DNM3: variants seen among roughly 807,000 people sequenced by gnomAD.
DNM3 encodes dynamin-3.
DNM3 carries 47 observed loss-of-function variants against 101.6 expected under a neutral mutation model. That is an observed-to-expected ratio of 0.46 (90% CI 0.37 to 0.59). DNM3 has a LOEUF of 0.59. Ranked by LOEUF, DNM3 falls within the 20% of genes least tolerant of loss-of-function variation. The pLI is 0.00. For synonymous variants in DNM3, 385 were observed against 387.9 expected (o/e 0.99, Z 0.09); for missense variants, 849 against 1,085.7 (o/e 0.78, Z 3.06).
At chr1:172,060,149 G>A (rs1436287479) in intron 10 of DNM3, among the ~76,000 whole-genome samples, 1 of 145,110 alleles carries the variant, frequency 6.9e-6, no homozygotes, top group African/African-American at 2.6e-5. Context: ...GGGATGTGAA[G>A]GACCTCTTCA....
intron 2 of DNM3, among the ~76,000 whole-genome samples, chr1:171,938,031 GTT>G (rs5778716): frequency 3.9e-4 from 57 of 147,116 alleles, no homozygotes; most frequent in Middle Eastern, 3.6e-3. Flanking sequence ...TTTTAATAGA[GTT>G]TTTTTTTTTT....
At chr1:171,859,472 T>G (rs1186364087) in intron 1 of DNM3, among the ~76,000 whole-genome samples, 1 of 152,200 alleles carries the variant, frequency 6.6e-6, no homozygotes, top group Non-Finnish European at 1.5e-5. Flanking sequence ...TAGCATATGG[T>G]AATTTCTGAA....
intron 14 of DNM3, among the ~76,000 whole-genome samples, chr1:172,244,807 G>C (rs1256462937): frequency 5.3e-5 from 8 of 152,164 alleles, no homozygotes; most frequent in Admixed American, 3.3e-4. Context: ...CGATTCCTCA[G>C]GGATCTAGAA....
At chr1:171,870,140 C>T (rs868304306) in intron 1 of DNM3, among the ~76,000 whole-genome samples, 1 of 152,186 alleles carries the variant, frequency 6.6e-6, no homozygotes, top group African/African-American at 2.4e-5. Flanking sequence ...TATTTAAATA[C>T]TAGCACGTTT....
chr1:172,249,455 G>A (rs1461100799), intron 14 of DNM3, among the ~76,000 whole-genome samples: 1 of 151,924 alleles, frequency 6.6e-6, no homozygotes, highest in Non-Finnish European at 1.5e-5. Flanking sequence ...GTGAATTCAG[G>A]GAAAGAACAC....
At chr1:172,302,591 T>G (rs755833580) in intron 15 of DNM3, among the ~76,000 whole-genome samples, 1 of 152,206 alleles carries the variant, frequency 6.6e-6, no homozygotes, top group Non-Finnish European at 1.5e-5. Flanking sequence ...GACCCCTGTG[T>G]AGCCTAACTG....
intron 14 of DNM3, among the ~76,000 whole-genome samples, chr1:172,158,024 G>C (rs544842496): frequency 6.6e-6 from 1 of 152,128 alleles, no homozygotes; most frequent in East Asian, 1.9e-4. Context: ...TGATAATAAA[G>C]TGCAAACAAT....
chr1:172,097,135 CT>C (rs1193352014), intron 13 of DNM3, among the ~76,000 whole-genome samples: 1 of 152,056 alleles, frequency 6.6e-6, no homozygotes, highest in Non-Finnish European at 1.5e-5. Context: ...GGCACGGTGA[CT>C]TATGCCTGTA....
chr1:172,327,951 C>T (rs780735023), intron 17 of DNM3, among the ~76,000 whole-genome samples: 7 of 152,074 alleles, frequency 4.6e-5, no homozygotes, highest in African/African-American at 7.2e-5. Flanking sequence ...TTTTGAATCC[C>T]CTCACTTTAA....
At position 171,989,025 on chromosome 1, in the gene DNM3, A is replaced by G. The variant is rs950979989; in HGVS notation, c.466A>G (p.Ile156Val). ...TCAGCCACCAGATATCGAGTATCAG[A>G]TCAGAGAAATGATTATGCAGTTCAT... ...GDQPPDIEYQ[I>V]REMIMQFITR... is the part of the protein sequence containing the mutation. Residue 156 changes from isoleucine (I) to valine (V), a missense_variant, in exon 4 of 21, where the codon ATC becomes GTC. Ile to Val is a conservative substitution (Grantham distance 29, BLOSUM62 3). Transcript: ENST00000627582. 3.1e-6 allele frequency: 5 copies of G among 1,611,070 alleles called. No individual in the cohort carries two copies. The highest frequency in any genetic ancestry group is 4.2e-6 in the Non-Finnish European group (5 of 1,178,528).
rs147777096 is a variant in DNM3 at position 172,255,324 on chromosome 1, C to T, written c.1769+1642C>T. On this transcript the variant is annotated intron_variant, in intron 15 of 20. Coordinates refer to ENST00000627582, the MANE Select transcript of DNM3 (RefSeq NM_015569.5). ...TGCAGCCAAGCTCAGTACTAGTTTA[C>T]ATGCCTTCATCAGAGCAGCAGAGAC... 9.0e-3 allele frequency among the ~76,000 whole-genome samples: 1,375 copies of T among 152,260 alleles called. 12 individuals carry two copies. The highest frequency in any genetic ancestry group is 0.021 in the Admixed American group (324 of 15,276).
chr1:172,247,799 C>T (rs768427076), intron 14 of DNM3, among the ~76,000 whole-genome samples: 15 of 151,938 alleles, frequency 9.9e-5, no homozygotes, highest in Non-Finnish European at 1.9e-4. Context: ...ATTCTCCTGC[C>T]TCAGCCTCCC....
chr1:171,976,549 G>A (rs1402378384), intron 2 of DNM3, among the ~76,000 whole-genome samples: 6 of 152,072 alleles, frequency 3.9e-5, no homozygotes, highest in Non-Finnish European at 8.8e-5. Flanking sequence ...CCTCCCACTG[G>A]GTCCCTCCCA....
At chr1:172,247,422 A>G (rs2061995471) in intron 14 of DNM3, among the ~76,000 whole-genome samples, 1 of 152,172 alleles carries the variant, frequency 6.6e-6, no homozygotes, top group Admixed American at 6.5e-5. Flanking sequence ...ACTCTCTGCA[A>G]CATAGAATAT....
At chr1:172,320,331 A>G (rs1292349790) in intron 16 of DNM3, among the ~76,000 whole-genome samples, 1 of 151,620 alleles carries the variant, frequency 6.6e-6, no homozygotes, top group East Asian at 1.9e-4. Context: ...ATGTATACAT[A>G]TGTAACTAAC....
At chr1:172,206,505 A>T (rs1257156037) in intron 14 of DNM3, among the ~76,000 whole-genome samples, 1 of 152,106 alleles carries the variant, frequency 6.6e-6, no homozygotes, top group Non-Finnish European at 1.5e-5. Flanking sequence ...TGTTGTATCA[A>T]GGATTTGCCT....
intron 14 of DNM3, among the ~76,000 whole-genome samples, chr1:172,196,467 T>C (rs2148465145): frequency 6.6e-6 from 1 of 152,150 alleles, no homozygotes; most frequent in South Asian, 2.1e-4. Flanking sequence ...CTTTTAGCTC[T>C]TTGAGGAATC....
chr1:171,903,017 G>T (rs2038504676), intron 1 of DNM3, among the ~76,000 whole-genome samples: 1 of 152,026 alleles, frequency 6.6e-6, no homozygotes. Context: ...TCCAGGCATG[G>T]TGGTGGACTG....
chr1:171,880,124 A>G (rs1050883678), intron 1 of DNM3, among the ~76,000 whole-genome samples: 3 of 152,220 alleles, frequency 2.0e-5, no homozygotes, highest in Non-Finnish European at 2.9e-5. Context: ...GAGCTGGCCA[A>G]TGTGCTGTAT....
Sources: allele counts gnomAD v4.1 joint callset (sites outside exome capture counted in the v4.1 genomes callset), GRCh38; gene constraint gnomAD v4.1.1; transcripts MANE v1.5; gene names NCBI Gene and HGNC (gene_info 2026-07-23, HGNC 2026-07-21).